The following IL34 variants were observed in gnomAD, a reference collection of about 807,000 sequenced individuals.
IL34 encodes interleukin-34.
In IL34, 17 loss-of-function variants were observed where a neutral mutation model predicts 25.3. That is an observed-to-expected ratio of 0.67 (90% confidence interval 0.46 to 1.01). The LOEUF is 1.01. Ranked by LOEUF, IL34 falls within the 50% of genes least tolerant of loss-of-function variation. IL34 has a pLI of 0.00. For synonymous variants in IL34, 174 were observed against 140.9 expected (o/e 1.23, Z -1.66); for missense variants, 368 against 312.9 (o/e 1.18, Z -1.33).
chr16:70,607,445 A>G (rs1326007602), intron 1 of IL34, among the ~76,000 whole-genome samples: 1 of 152,160 alleles, frequency 6.6e-6, no homozygotes, highest in Non-Finnish European at 1.5e-5. Flanking sequence ...GGGAATAAAG[A>G]TAGTTTTACT....
chr16:70,599,290 T>G (rs2050872483), intron 1 of IL34, among the ~76,000 whole-genome samples: 1 of 102,422 alleles, frequency 9.8e-6, no homozygotes, highest in South Asian at 4.4e-4. Context: ...TCTTTCTTTC[T>G]TTCTTCTTTC....
chr16:70,647,130 C>G (rs1567462631), intron 1 of IL34, among the ~76,000 whole-genome samples, 155 bp downstream of exon 1: 1 of 152,266 alleles, frequency 6.6e-6, no homozygotes, highest in South Asian at 2.1e-4. Flanking sequence ...CCCACGGCCG[C>G]CGTCTGCCCT....
intron 1 of IL34, among the ~76,000 whole-genome samples, chr16:70,653,840 CT>C (rs1324411475): frequency 2.6e-5 from 4 of 152,098 alleles, no homozygotes; most frequent in Non-Finnish European, 4.4e-5. Context: ...GAATTCTCTC[CT>C]TTTTTTCTGT....
chr16:70,621,085 C>A (rs1380426181), intron 1 of IL34, among the ~76,000 whole-genome samples: 1 of 151,958 alleles, frequency 6.6e-6, no homozygotes, highest in African/African-American at 2.4e-5. Context: ...GGGGTTCTTG[C>A]CCCCTAGGAA....
chr16:70,654,233 C>T (rs746365596), intron 1 of IL34: 32 of 258,254 alleles, frequency 1.2e-4, no homozygotes, highest in Non-Finnish European at 1.8e-4. Context: ...GAGGTTGTGC[C>T]TGCCCCACGG....
At chr16:70,589,746 C>G (rs760952837) in intron 1 of IL34, among the ~76,000 whole-genome samples, 1 of 151,944 alleles carries the variant, frequency 6.6e-6, no homozygotes, top group Non-Finnish European at 1.5e-5. Context: ...CCTCAGCCTC[C>G]CAAGTAGCTG....
upstream of IL34, among the ~76,000 whole-genome samples, chr16:70,645,770 C>T (rs1342051496): frequency 1.3e-5 from 2 of 152,150 alleles, no homozygotes; most frequent in Non-Finnish European, 2.9e-5. Context: ...GACCTTAGTC[C>T]TGGCCGGGTG....
In IL34 at chr16:70,634,675, G is replaced by A. The variant is rs1373980629; in HGVS notation, c.-400-11873G>A. Among the ~76,000 whole-genome samples, 16 of 138,136 alleles carry A rather than the reference G, an allele frequency of 1.2e-4. No homozygotes were observed. In the South Asian group the frequency reaches 2.0e-3, roughly 18 times the overall value. 90.6% of individuals were successfully genotyped at this position (138,136 alleles called of 152,430 possible). A position where few individuals can be genotyped will look rare whatever the true frequency, so the allele number is the denominator to read the frequency against. On this transcript the variant is annotated intron_variant, in intron 1 of 6. Transcript: ENST00000429149. The stretch of plus-strand genomic sequence containing the variant: ...AGCCTGGGCGACAGAGCGAGATTCC[G>A]AATCAAAAAAAAAAAAAAAAATTTC...
chr16:70,605,063 GC>G (rs2050982109), intron 1 of IL34, among the ~76,000 whole-genome samples: 2 of 152,160 alleles, frequency 1.3e-5, no homozygotes, highest in Non-Finnish European at 2.9e-5. Context: ...ATTGGAAACA[GC>G]AGGTGCAAAG....
At position 70,657,140 on chromosome 16, in the gene IL34, T is replaced by C; in HGVS notation, c.402+19T>C. 1 of 1,608,222 alleles carries C rather than the reference T, an allele frequency of 6.2e-7. No homozygotes were observed. The highest frequency in any genetic ancestry group is 8.5e-7 in the Non-Finnish European group (1 of 1,178,084). On this transcript the variant is annotated intron_variant, in intron 4 of 5. Transcript: ENST00000288098. ...CCTCACGGTGAGTTGTGTGGAGGAGTGGCAGGTGGGGTGTGTGTGTGTGCA... is the reference window on the plus strand; with the variant it reads ...CCTCACGGTGAGTTGTGTGGAGGAGCGGCAGGTGGGGTGTGTGTGTGTGCA...
chr16:70,606,668 G>T (rs541959907), intron 1 of IL34, among the ~76,000 whole-genome samples: 117 of 152,022 alleles, frequency 7.7e-4, no homozygotes, highest in Admixed American at 7.7e-3. Flanking sequence ...GCTCACTGCA[G>T]CCTTAACCTC....
intron 1 of IL34, among the ~76,000 whole-genome samples, chr16:70,602,913 C>T (rs1034481750): frequency 6.6e-6 from 1 of 151,952 alleles, no homozygotes; most frequent in Admixed American, 6.6e-5. Context: ...TAGCTTTGTC[C>T]TGGGGGCCAC....
At chr16:70,623,482 A>T (rs2051322878) in intron 1 of IL34, among the ~76,000 whole-genome samples, 1 of 152,140 alleles carries the variant, frequency 6.6e-6, no homozygotes. Flanking sequence ...GCCATGCTGT[A>T]GCAGGCGAGT....
In IL34 at chr16:70,646,851, C is replaced by T. The variant is rs552363683; in HGVS notation, c.-97C>T. On this transcript the variant is annotated 5_prime_UTR_variant, in exon 1 of 6. Coordinates refer to ENST00000288098, the MANE Select transcript of IL34 (RefSeq NM_001393494.1). ...AGCCCTTCCCTGACTGAGTGACCAC[C>T]TCTGCTGCCCCGAGGCCATGTAGGC... The T allele has an allele frequency of 1.6e-6, 2 of 1,232,308 alleles. No individual in the cohort carries two copies. Among genetic ancestry groups the T allele is most frequent in the South Asian group, 1.6e-5 (1 of 62,808 alleles). 76.3% of individuals were successfully genotyped at this position (1,232,308 alleles called of 1,614,324 possible).
chr16:70,591,600 C>T (rs977054732), intron 1 of IL34, among the ~76,000 whole-genome samples: 21 of 151,582 alleles, frequency 1.4e-4, no homozygotes, highest in Non-Finnish European at 2.8e-4. Context: ...GAATGGCCCT[C>T]ACCGTCCTCC....
At chr16:70,648,588 AAGAG>A (rs1040973508) in intron 1 of IL34, among the ~76,000 whole-genome samples, 4 of 150,706 alleles carry the variant, frequency 2.7e-5, no homozygotes, top group African/African-American at 4.9e-5. Flanking sequence ...AGAAAAGAAA[AAGAG>A]AGAAAGAAAA....
At chr16:70,623,737 G>A (rs2151840537) in intron 1 of IL34, among the ~76,000 whole-genome samples, 1 of 151,876 alleles carries the variant, frequency 6.6e-6, no homozygotes, top group East Asian at 1.9e-4. Context: ...AGTCAGGGAA[G>A]CAGATAATTT....
chr16:70,614,409 G>T (rs1372905259), intron 1 of IL34, among the ~76,000 whole-genome samples: 1 of 152,144 alleles, frequency 6.6e-6, no homozygotes. Flanking sequence ...CTACTGAATT[G>T]TATGTCTGAG....
Position 70,660,145 on chromosome 16 carries a change from G to T in IL34, c.687G>T (p.Ser229=), listed in dbSNP as rs192356278. 78 of 1,608,552 alleles carry T rather than the reference G, an allele frequency of 4.8e-5. No individual in the cohort carries two copies. Among genetic ancestry groups the T allele is most frequent in the Non-Finnish European group, 6.5e-5 (76 of 1,177,958 alleles). Reference sequence around the variant, plus strand: ...GCTCCCCGCCTCACTCCACGGGCTCGGTGAGGCCGGTCAGGGCACAGGGCG... The same window carrying T: ...GCTCCCCGCCTCACTCCACGGGCTCTGTGAGGCCGGTCAGGGCACAGGGCG... The part of the protein sequence containing the change: ...SPSSPPHSTG[S]VRPVRAQGEG... The change falls in exon 6 of 6, where the codon TCG becomes TCT. Residue 229 remains serine (S), a synonymous_variant. Transcript: ENST00000288098.
Sources: gnomAD v4.1 joint callset for allele counts (sites outside exome capture counted in the v4.1 genomes callset) on GRCh38, gnomAD v4.1.1 for gene constraint, MANE v1.5 for transcripts, NCBI Gene and HGNC (gene_info 2026-07-23, HGNC 2026-07-21) for gene names.